THSD7B: variants seen among roughly 807,000 people sequenced by gnomAD.
THSD7B encodes the protein thrombospondin type-1 domain-containing protein 7B.
THSD7B carries 138 observed loss-of-function variants against 213.6 expected under a neutral mutation model. That is an observed-to-expected ratio of 0.65 (90% CI 0.56 to 0.74). THSD7B has a LOEUF of 0.74. THSD7B is among the 30% of genes least tolerant of loss of function. THSD7B has a pLI of 0.00. For synonymous variants in THSD7B, 742 were observed against 687.0 expected (o/e 1.08, Z -1.25); for missense variants, 1,931 against 1,991.5 (o/e 0.97, Z 0.58).
At position 137,673,727 on chromosome 2, in the gene THSD7B, A is replaced by G. The variant is rs944949247; in HGVS notation, c.4740-2797A>G. Among the ~76,000 whole-genome samples the G allele has an allele frequency of 3.9e-5, 6 of 152,272 alleles. No homozygotes were observed. In the East Asian group the frequency reaches 1.2e-3, roughly 29 times the overall value. On this transcript the variant is annotated intron_variant, in intron 27 of 27. Transcript: ENST00000409968. ...TGAGGTTCTTTTTTACTGGCCAGAA[A>G]GCCTTGCTAAGCTGCTATTCGGCAA...
intron 2 of THSD7B, among the ~76,000 whole-genome samples, chr2:137,009,929 A>C (rs1297272982): frequency 2.0e-5 from 3 of 152,226 alleles, no homozygotes; most frequent in Admixed American, 1.3e-4. Context: ...TAAGATATAC[A>C]TGCAGCTATT....
intron 5 of THSD7B, among the ~76,000 whole-genome samples, chr2:137,137,826 C>T (rs1679496260): frequency 2.0e-5 from 3 of 151,876 alleles, no homozygotes; most frequent in Admixed American, 6.6e-5. Context: ...TGGCAGTTTA[C>T]TTACTCATTT....
intron 2 of THSD7B, among the ~76,000 whole-genome samples, chr2:136,928,486 A>G (rs936239272): frequency 6.6e-6 from 1 of 152,182 alleles, no homozygotes; most frequent in Admixed American, 6.5e-5. Context: ...TTGTAATCCA[A>G]TGTACAATTT....
chr2:136,835,930 C>T (rs1429991), intron 1 of THSD7B, among the ~76,000 whole-genome samples: 7,810 of 152,016 alleles, frequency 0.051, 354 homozygotes, highest in African/African-American at 0.12. Flanking sequence ...TTTTTGCTTT[C>T]GGGGAAGAAA....
At chr2:137,174,004 G>T (rs926727140) in intron 7 of THSD7B, among the ~76,000 whole-genome samples, 1 of 152,002 alleles carries the variant, frequency 6.6e-6, no homozygotes, top group African/African-American at 2.4e-5. Flanking sequence ...TTTATTAATT[G>T]CTTCATAGAC....
At chr2:136,952,745 GT>G (rs1407100945) in intron 2 of THSD7B, among the ~76,000 whole-genome samples, 1 of 151,872 alleles carries the variant, frequency 6.6e-6, no homozygotes, top group Non-Finnish European at 1.5e-5. Flanking sequence ...TTTTGATCGT[GT>G]TTTCTAGAGT....
intron 27 of THSD7B, among the ~76,000 whole-genome samples, chr2:137,671,984 G>GTAGT (rs996764358): frequency 1.1e-4 from 17 of 151,992 alleles, no homozygotes; most frequent in African/African-American, 3.9e-4. Flanking sequence ...TGATAATATT[G>GTAGT]TAGTTATTTA....
intron 7 of THSD7B, among the ~76,000 whole-genome samples, chr2:137,214,481 G>A (rs995412781): frequency 4.6e-5 from 7 of 152,072 alleles, no homozygotes; most frequent in East Asian, 1.9e-4. Context: ...TGTGCAGAAC[G>A]TGCAGGTTTG....
At chr2:136,979,502 T>C (rs1381591590) in intron 2 of THSD7B, among the ~76,000 whole-genome samples, 1 of 152,220 alleles carries the variant, frequency 6.6e-6, no homozygotes, top group Non-Finnish European at 1.5e-5. Flanking sequence ...TTTTATTCTT[T>C]TTCTCTAATC....
intron 5 of THSD7B, among the ~76,000 whole-genome samples, chr2:137,117,361 C>T (rs961378915): frequency 6.6e-6 from 1 of 152,012 alleles, no homozygotes; most frequent in Non-Finnish European, 1.5e-5. Context: ...TGAGTATTTG[C>T]CCAGTGAAGT....
chr2:137,487,085 T>G (rs923454166), intron 15 of THSD7B, among the ~76,000 whole-genome samples: 3 of 149,604 alleles, frequency 2.0e-5, no homozygotes, highest in African/African-American at 7.6e-5. Flanking sequence ...TTAAAAGAAC[T>G]AGGCCGGGCG....
chr2:137,057,534 A>G (rs1004024178), intron 3 of THSD7B, among the ~76,000 whole-genome samples: 5 of 152,368 alleles, frequency 3.3e-5, no homozygotes, highest in African/African-American at 1.2e-4. Context: ...TGCCATTACA[A>G]CAGTGATAGA....
At chr2:137,241,071 G>A (rs558330943) in intron 9 of THSD7B, among the ~76,000 whole-genome samples, 236 of 148,198 alleles carry the variant, frequency 1.6e-3, no homozygotes, top group Non-Finnish European at 2.8e-3. Flanking sequence ...TGAAGCTTTG[G>A]GTCCATTACT....
At chr2:137,321,000 T>G (rs1269636698) in intron 12 of THSD7B, among the ~76,000 whole-genome samples, 1 of 152,208 alleles carries the variant, frequency 6.6e-6, no homozygotes, top group Non-Finnish European at 1.5e-5. Context: ...AGTTACTTGA[T>G]TTCATTAAGC....
intron 12 of THSD7B, among the ~76,000 whole-genome samples, chr2:137,326,338 T>G (rs1390871471): frequency 6.6e-6 from 1 of 152,206 alleles, no homozygotes; most frequent in African/African-American, 2.4e-5. Context: ...GGCATGTAGT[T>G]GATACTCAGT....
At chr2:136,892,432 T>C (rs1047868247) in intron 2 of THSD7B, among the ~76,000 whole-genome samples, 22 of 152,024 alleles carry the variant, frequency 1.4e-4, no homozygotes, top group African/African-American at 5.1e-4. Flanking sequence ...TCATAATAAA[T>C]GCATAATTTT....
intron 2 of THSD7B, among the ~76,000 whole-genome samples, chr2:137,051,942 C>T (rs1049523875): frequency 1.3e-5 from 2 of 152,110 alleles, no homozygotes; most frequent in African/African-American, 4.8e-5. Context: ...GTGATGCATG[C>T]CCCCAACTAA....
chr2:136,950,604 T>G (rs1435235134), intron 2 of THSD7B, among the ~76,000 whole-genome samples: 1 of 152,172 alleles, frequency 6.6e-6, no homozygotes, highest in East Asian at 1.9e-4. Flanking sequence ...TGGGGTAAAT[T>G]TACGCTTAAT....
intron 1 of THSD7B, among the ~76,000 whole-genome samples, chr2:136,818,403 G>C (rs866006047): frequency 0.015 from 2,218 of 148,622 alleles, 49 homozygotes; most frequent in African/African-American, 0.053. Context: ...GTTGTGGGGT[G>C]GGGGGAGTGG....
Sources: allele counts gnomAD v4.1 joint callset (sites outside exome capture counted in the v4.1 genomes callset), GRCh38; gene constraint gnomAD v4.1.1; transcripts MANE v1.5; gene names NCBI Gene and HGNC (gene_info 2026-07-23, HGNC 2026-07-21).